The following KDM2A variants were observed in gnomAD, a reference collection of about 807,000 sequenced individuals.
The protein encoded by KDM2A is lysine demethylase 2A.
In KDM2A, 3 loss-of-function variants were observed where a neutral mutation model predicts 137.3. The ratio of observed to expected loss-of-function variants is 0.02; its 90% CI spans 0.01 to 0.06. The LOEUF (loss-of-function observed/expected upper bound fraction) is 0.06. KDM2A is among the 10% of genes least tolerant of loss of function. The pLI, the probability that KDM2A is intolerant of heterozygous loss-of-function variation, is 1.00. For missense variants in KDM2A, 738 were observed against 1,510.6 expected (o/e 0.49, Z 8.48); for synonymous variants, 512 against 541.5 (o/e 0.95, Z 0.76).
chr11:67,189,595 T>C (rs1857297202), intron 5 of KDM2A, among the ~76,000 whole-genome samples: 1 of 152,086 alleles, frequency 6.6e-6, no homozygotes, highest in African/African-American at 2.4e-5. Context: ...ATCCTAGCAC[T>C]TTGGCAGGCT....
At chr11:67,235,701 A>G (rs534727434) in intron 12 of KDM2A, among the ~76,000 whole-genome samples, 1 of 151,992 alleles carries the variant, frequency 6.6e-6, no homozygotes, top group East Asian at 1.9e-4. Context: ...GGCTCACTGC[A>G]GCCTCCACCT....
chr11:67,248,437 C>T (rs909515243), intron 16 of KDM2A, 67 bp downstream of exon 16: 17 of 1,119,592 alleles, frequency 1.5e-5, no homozygotes, highest in Admixed American at 2.1e-5. Flanking sequence ...GATTGCTACA[C>T]GTTTGCCTTT....
intron 12 of KDM2A, chr11:67,240,455 C>G: frequency 1.7e-6 from 2 of 1,184,566 alleles, no homozygotes; most frequent in Non-Finnish European, 2.3e-6. Context: ...GCAGGAGAAA[C>G]TGCCTGCCGG....
chr11:67,142,521 G>A (rs1856130056), intron 2 of KDM2A, among the ~76,000 whole-genome samples: 1 of 143,468 alleles, frequency 7.0e-6, no homozygotes. Context: ...TGTGGTGGCA[G>A]GTGCCTGTAA....
chr11:67,145,338 A>C (rs188434417), intron 2 of KDM2A, among the ~76,000 whole-genome samples: 2 of 151,472 alleles, frequency 1.3e-5, no homozygotes, highest in African/African-American at 4.8e-5. Context: ...CACACACACA[A>C]AATTAGCCAG....
intron 11 of KDM2A, among the ~76,000 whole-genome samples, chr11:67,229,659 A>T (rs1018635742): frequency 6.6e-6 from 1 of 151,656 alleles, no homozygotes; most frequent in African/African-American, 2.4e-5. Context: ...TCATGAGGTC[A>T]GGAGTTCGAG....
intron 2 of KDM2A, among the ~76,000 whole-genome samples, chr11:67,135,091 G>A (rs1305535781): frequency 2.6e-5 from 4 of 151,196 alleles, no homozygotes; most frequent in South Asian, 2.1e-4. Context: ...CCCCTGAGAC[G>A]GAGTTTCACT....
chr11:67,149,565 C>G (rs1176762907), intron 2 of KDM2A, among the ~76,000 whole-genome samples: 1 of 151,900 alleles, frequency 6.6e-6, no homozygotes, highest in African/African-American at 2.4e-5. Flanking sequence ...AATCCTAACC[C>G]CTTCACCAGA....
At chr11:67,240,334 G>C in intron 12 of KDM2A, 1 of 1,535,574 alleles carries the variant, frequency 6.5e-7, no homozygotes, top group Non-Finnish European at 8.7e-7. Context: ...ACTTCACCAA[G>C]AGCCTCGGCA....
chr11:67,155,592 C>T (rs148642951), intron 2 of KDM2A, among the ~76,000 whole-genome samples: 9 of 152,086 alleles, frequency 5.9e-5, no homozygotes, highest in African/African-American at 2.2e-4. Context: ...GAGTGAGCCA[C>T]TGCACTGGCT....
In KDM2A at chr11:67,256,939, A is replaced by G. The variant is rs1426390592; in HGVS notation, c.*1884A>G. On this transcript the variant is annotated 3_prime_UTR_variant, in exon 21 of 21. Coordinates refer to ENST00000529006, the MANE Select transcript of KDM2A (RefSeq NM_012308.3). Reference sequence around the variant, plus strand: ...GGGGTTGAAACTTTGAGGAAATGCCAGTGACTTATTCCAGAGTGCCTCAGT... The same window carrying G: ...GGGGTTGAAACTTTGAGGAAATGCCGGTGACTTATTCCAGAGTGCCTCAGT... 1 of 152,670 alleles carries G rather than the reference A, an allele frequency of 6.6e-6. No individual in the cohort carries two copies. The highest frequency in any genetic ancestry group is 1.5e-5 in the Non-Finnish European group (1 of 68,052). The allele number at this position is 152,670 out of a possible 1,614,324, so 9.5% of individuals were successfully genotyped here. A position where few individuals can be genotyped will look rare whatever the true frequency, so the allele number is the denominator to read the frequency against.
At chr11:67,182,944 C>T (rs1857123384) in intron 5 of KDM2A, among the ~76,000 whole-genome samples, 1 of 152,224 alleles carries the variant, frequency 6.6e-6, no homozygotes, top group African/African-American at 2.4e-5. Flanking sequence ...TACTAAAGCT[C>T]CAGTGCCATT....
intron 5 of KDM2A, among the ~76,000 whole-genome samples, chr11:67,206,329 G>A (rs1050509417): frequency 6.6e-6 from 1 of 152,234 alleles, no homozygotes; most frequent in African/African-American, 2.4e-5. Flanking sequence ...TACTTGGGAG[G>A]CTGAGGCACA....
At chr11:67,179,798 AC>A (rs1857047705) in intron 2 of KDM2A, among the ~76,000 whole-genome samples, 4 of 152,080 alleles carry the variant, frequency 2.6e-5, no homozygotes, top group Admixed American at 2.6e-4. Context: ...TATTTAGTAG[AC>A]CCTCTTTGGT....
At chr11:67,246,704 C>G (rs1039634844) in intron 15 of KDM2A, among the ~76,000 whole-genome samples, 1 of 152,106 alleles carries the variant, frequency 6.6e-6, no homozygotes, top group Admixed American at 6.6e-5. Context: ...ACCACTGTTT[C>G]CTTGGCCTTC....
In KDM2A at chr11:67,231,955, G is replaced by A; in HGVS notation, c.1474G>A (p.Val492Ile). The change falls in exon 12 of 21, where the codon GTA (valine) becomes ATA (isoleucine). Residue 492 changes from valine to isoleucine, a missense_variant. Val to Ile is a conservative substitution (Grantham distance 29). Transcript: ENST00000529006. Reference protein sequence around the residue: ...IEDEDALIADVKILLEELANS... With the variant: ...IEDEDALIADIKILLEELANS... ...AGATGAAGATGCTCTCATTGCTGAT[G>A]TAAAGGTAAGGGTTTGATGTGTTAC... 6.2e-7 allele frequency: 1 copy of A among 1,610,344 alleles called. No homozygotes were observed. The highest frequency in any genetic ancestry group is 8.5e-7 in the Non-Finnish European group (1 of 1,178,202).
At chr11:67,168,591 A>ACACACACG (rs1856804515) in intron 2 of KDM2A, among the ~76,000 whole-genome samples, 1 of 30,642 alleles carries the variant, frequency 3.3e-5, no homozygotes, top group Admixed American at 3.8e-4. Flanking sequence ...ATACACACAC[A>ACACACACG]CACACACACA....
rs769292295 is a variant in KDM2A, at chr11:67,254,834, G to A, written c.3308-40G>A. On this transcript the variant is annotated intron_variant, in intron 20 of 20. Transcript: ENST00000529006. This position sits in a 1 kb window ranked among gnomAD's most constrained non-coding sequence, Gnocchi z 4.7. ...GAATTGAATGGCAGAGGAAAGCTGT[G>A]TGTATGTGAGCACTGTCATTATGTC... is the stretch of plus-strand genomic sequence containing the variant. 3.2e-6 allele frequency: 5 copies of A among 1,563,608 alleles called. No homozygotes were observed. The highest frequency in any genetic ancestry group is 4.4e-6 in the Non-Finnish European group (5 of 1,135,738).
At chr11:67,221,037 A>G (rs1858329550) in intron 10 of KDM2A, among the ~76,000 whole-genome samples, 2 of 151,776 alleles carry the variant, frequency 1.3e-5, no homozygotes, top group East Asian at 1.9e-4. Context: ...AAAAAAAGGT[A>G]AAAAACACTC....
Sources: gnomAD v4.1 joint callset for allele counts (sites outside exome capture counted in the v4.1 genomes callset) on GRCh38, gnomAD v4.1.1 for gene constraint, Gnocchi (gnomAD v3.1) non-coding constraint, MANE v1.5 for transcripts, NCBI Gene and HGNC (gene_info 2026-07-23, HGNC 2026-07-21) for gene names.